Variants in FGFR1 observed in about 807,000 individuals in gnomAD.
The protein encoded by FGFR1 is fibroblast growth factor receptor 1, also known as FGFR1/PLAG1 fusion.
FGFR1 carries 18 observed loss-of-function variants against 93.7 expected under a neutral mutation model. The observed-to-expected ratio is 0.19, with a 90% confidence interval of 0.13 to 0.28. The LOEUF (loss-of-function observed/expected upper bound fraction) is 0.28, where lower values mean the gene tolerates loss of function less well. FGFR1 is among the 10% of genes least tolerant of loss of function. FGFR1 has a pLI of 1.00. For missense variants in FGFR1, 731 were observed against 1,080.4 expected, an observed-to-expected ratio of 0.68 and a Z score of 4.53; for synonymous variants, 448 against 429.3, an observed-to-expected ratio of 1.04 and a Z score of -0.54.
intron 2 of FGFR1, chr8:38,440,323 C>T (rs1312784243): frequency 1.9e-6 from 3 of 1,604,936 alleles, no homozygotes; most frequent in Non-Finnish European, 2.5e-6. Flanking sequence ...TGGCAGGACC[C>T]GGCCAGAGTG....
chr8:38,418,409 G>T (rs756501869), intron 9 of FGFR1, 36 bp from the exon 10 acceptor site: 5 of 1,602,638 alleles, frequency 3.1e-6, no homozygotes, highest in African/African-American at 2.7e-5. Context: ...AGAGCAAGGA[G>T]GGGGGACGGG....
At position 38,426,331 on chromosome 8, in the gene FGFR1, C is replaced by T. The variant is rs1820744168; in HGVS notation, c.622-86G>A. ...AATGTCGGCACCCCGTGGCACCTGC[C>T]CTCCATATCAGAGCCTGGTGGCACA... On this transcript the variant is annotated intron_variant, in intron 5 of 17. Coordinates refer to ENST00000447712, the MANE Select transcript of FGFR1 (RefSeq NM_023110.3). This position sits in a 1 kb window ranked among gnomAD's most constrained non-coding sequence, Gnocchi z 4.1. The T allele has an allele frequency of 6.3e-7, 1 of 1,585,838 alleles. No homozygotes were observed. The highest frequency in any genetic ancestry group is 1.3e-5 in the African/African-American group (1 of 74,466).
intron 1 of FGFR1, 87 bp from the exon 2 acceptor site, chr8:38,457,621 G>A (rs558392078): frequency 2.9e-6 from 4 of 1,365,394 alleles, no homozygotes; most frequent in Non-Finnish European, 4.0e-6. Context: ...ATGCCATGTG[G>A]TGGCTGCTTA....
chr8:38,457,811 C>T (rs1224640163), intron 1 of FGFR1, among the ~76,000 whole-genome samples: 5 of 151,940 alleles, frequency 3.3e-5, no homozygotes, highest in African/African-American at 7.3e-5. Flanking sequence ...GGCGAAACCC[C>T]GTCTCTACTA....
At chr8:38,416,104 G>A (rs2150594965) in intron 12 of FGFR1, 44 bp from the exon 13 acceptor site, 1 of 1,560,976 alleles carries the variant, frequency 6.4e-7, no homozygotes, top group Non-Finnish European at 8.7e-7. Context: ...CAGCAGGTGA[G>A]CAGGTTTGGC....
At chr8:38,414,697 C>CTGG in intron 14 of FGFR1, 68 bp from the exon 15 acceptor site, 4 of 1,613,342 alleles carry the variant, frequency 2.5e-6, no homozygotes, top group Non-Finnish European at 3.4e-6. Context: ...TGGGAAGGGA[C>CTGG]TGGGGGGTGG....
At position 38,429,792 on chromosome 8, in the gene FGFR1, C is replaced by T. The variant is rs775969080; in HGVS notation, c.248G>A (p.Gly83Glu). The change falls in exon 3 of 18, where the codon GGG becomes GAG. Residue 83 changes from glycine (G) to glutamate (E), a missense_variant. Around this residue, in one of 10 missense-constraint regions of FGFR1, gnomAD observed 212 missense variants for 205.8 expected, o/e 1.03. Transcript: ENST00000447712. This position sits in a 1 kb window ranked among gnomAD's most constrained non-coding sequence, Gnocchi z 4.4. ...GGAGTCCTGCACCTCCACCTCCTCC[C>T]CTGTGATGCGGGTGCGGTTGCTTTC... The part of the protein sequence containing the change: ...LAESNRTRIT[G>E]EEVEVQDSVP... 3 of 1,612,644 alleles carry T rather than the reference C, an allele frequency of 1.9e-6. No homozygotes were observed. The South Asian group carries it at 3.3e-5, about 18-fold the overall frequency.
intron 9 of FGFR1, 94 bp downstream of exon 9, chr8:38,419,439 C>A (rs1817907089): frequency 1.7e-6 from 2 of 1,206,436 alleles, no homozygotes; most frequent in South Asian, 1.2e-5. Context: ...AAAATAAGGC[C>A]CAAAGCTATA....
chr8:38,427,314 C>A, intron 5 of FGFR1, among the ~76,000 whole-genome samples: 1 of 152,180 alleles, frequency 6.6e-6, no homozygotes, highest in East Asian at 1.9e-4. Flanking sequence ...GAGTCTCACT[C>A]TGTCACCCAG....
intron 2 of FGFR1, among the ~76,000 whole-genome samples, chr8:38,440,994 G>T (rs755459814): frequency 1.3e-5 from 2 of 152,006 alleles, no homozygotes; most frequent in African/African-American, 4.8e-5. Context: ...GTCCCACCTC[G>T]TCACTGTAAT....
rs1563512334 is a variant in FGFR1, at chr8:38,429,525, C to T, written c.358+157G>A. On this transcript the variant is annotated intron_variant, in intron 3 of 17. Coordinates refer to ENST00000447712, the MANE Select transcript of FGFR1 (RefSeq NM_023110.3). This position sits in a 1 kb window ranked among gnomAD's most constrained non-coding sequence, Gnocchi z 4.4. ...AGTCACCTCTCTGAGAGCCAAGCCA[C>T]GCGGCAGGCAGGGAGCAATGTTAGT... is the stretch of plus-strand genomic sequence containing the variant. The T allele has an allele frequency of 1.1e-6, 1 of 894,576 alleles. No homozygotes were observed. The highest frequency in any genetic ancestry group is 1.7e-6 in the Non-Finnish European group (1 of 571,994). The allele number at this position is 894,576 out of a possible 1,614,324, so 55.4% of individuals were successfully genotyped here.
chr8:38,462,902 C>CTTTTT (rs11364295), intron 1 of FGFR1, among the ~76,000 whole-genome samples: 1 of 114,832 alleles, frequency 8.7e-6, no homozygotes, highest in Non-Finnish European at 1.8e-5. Context: ...CTGTGCCTGG[C>CTTTTT]TTTTTTTTTT....
chr8:38,421,679 G>A (rs545172992), intron 8 of FGFR1, 118 bp downstream of exon 8: 1 of 1,074,864 alleles, frequency 9.3e-7, no homozygotes, highest in South Asian at 1.3e-5. Flanking sequence ...GCACCAGGCA[G>A]GCAGGAGCCC....
At chr8:38,427,847 G>T (rs1821341040) in intron 5 of FGFR1, 74 bp downstream of exon 5, 1 of 1,527,390 alleles carries the variant, frequency 6.5e-7, no homozygotes, top group Non-Finnish European at 9.1e-7. Context: ...AAAATGAAAA[G>T]CATGTAATCA....
chr8:38,430,117 G>A (rs1822438909), intron 2 of FGFR1, 169 bp from the exon 3 acceptor site: 2 of 656,052 alleles, frequency 3.0e-6, no homozygotes, highest in South Asian at 2.1e-5. Flanking sequence ...TTGGAGCATG[G>A]GTCAGTGGGG....
At chr8:38,434,508 C>T (rs950932507) in intron 2 of FGFR1, 9 of 372,980 alleles carry the variant, frequency 2.4e-5, no homozygotes, top group South Asian at 5.9e-5. Context: ...CATCTGGAAA[C>T]GATCCCATGT....
intron 2 of FGFR1, among the ~76,000 whole-genome samples, chr8:38,432,476 G>A (rs967632897): frequency 1.3e-4 from 19 of 149,382 alleles, no homozygotes; most frequent in East Asian, 1.2e-3. Flanking sequence ...GAAGTGCTGC[G>A]ATCTCGGCTC....
At chr8:38,437,870 G>A (rs1271567408) in intron 2 of FGFR1, among the ~76,000 whole-genome samples, 4 of 152,132 alleles carry the variant, frequency 2.6e-5, no homozygotes, top group Non-Finnish European at 4.4e-5. Flanking sequence ...TCACCAGCCC[G>A]GTCCCACAGC....
chr8:38,436,332 G>A (rs1586491013), intron 2 of FGFR1, among the ~76,000 whole-genome samples: 2 of 152,100 alleles, frequency 1.3e-5, no homozygotes, highest in African/African-American at 4.8e-5. Flanking sequence ...CTATAATCTT[G>A]CCACTGCACT....
Sources: gnomAD v4.1 joint callset for allele counts (sites outside exome capture counted in the v4.1 genomes callset) on GRCh38, gnomAD v4.1.1 for gene constraint, gnomAD v4.1.1 regional missense constraint, Gnocchi (gnomAD v3.1) non-coding constraint, MANE v1.5 for transcripts, NCBI Gene and HGNC (gene_info 2026-07-23, HGNC 2026-07-21) for gene names.